Variants in FRMD4A observed in about 807,000 individuals in gnomAD.
The protein encoded by FRMD4A is FERM domain containing 4A, also known as FERM domain-containing protein 4A.
In FRMD4A, 29 loss-of-function variants were observed where a neutral mutation model predicts 129.1. The observed-to-expected ratio is 0.22, with a 90% CI of 0.17 to 0.31. The LOEUF is 0.31. FRMD4A is among the 10% of genes least tolerant of loss of function. FRMD4A has a pLI of 1.00. For missense variants in FRMD4A, 1,272 were observed against 1,375.8 expected (o/e 0.92, Z 1.19); for synonymous variants, 634 against 571.6 (o/e 1.11, Z -1.56).
At chr10:13,982,509 G>A (rs535303149) in intron 2 of FRMD4A, among the ~76,000 whole-genome samples, 1 of 147,662 alleles carries the variant, frequency 6.8e-6, no homozygotes, top group East Asian at 2.1e-4. Flanking sequence ...GGGGGGGAAG[G>A]GATCCTCTGA....
intron 2 of FRMD4A, among the ~76,000 whole-genome samples, chr10:14,325,063 C>A (rs1843216692): frequency 6.6e-6 from 1 of 152,228 alleles, no homozygotes; most frequent in Admixed American, 6.5e-5. Flanking sequence ...TCCTGCCTAA[C>A]CTGCCTGGAG....
Position 14,330,176 on chromosome 10 carries a change from A to G in FRMD4A, c.-74T>C. On this transcript the variant is annotated 5_prime_UTR_variant, in exon 2 of 25. Coordinates refer to ENST00000357447, the MANE Select transcript of FRMD4A (RefSeq NM_018027.5). Reference sequence around the variant, plus strand: ...GGCCCCGGGTGGCTACAGAGCATCCAAAAGCACCTGCAGAAAAAGCAGCCA... The same window carrying G: ...GGCCCCGGGTGGCTACAGAGCATCCGAAAGCACCTGCAGAAAAAGCAGCCA... 1 of 1,464,916 alleles carries G rather than the reference A, an allele frequency of 6.8e-7. No homozygotes were observed. 90.7% of individuals were successfully genotyped at this position (1,464,916 alleles called of 1,614,324 possible). A position where few individuals can be genotyped will look rare whatever the true frequency, so the allele number is the denominator to read the frequency against.
chr10:14,267,763 C>T (rs963758949), intron 2 of FRMD4A, among the ~76,000 whole-genome samples: 1 of 152,182 alleles, frequency 6.6e-6, no homozygotes, highest in African/African-American at 2.4e-5. Context: ...TATTTACTAA[C>T]TAGGTGTCCT....
chr10:13,804,455 A>T (rs1306129911), intron 4 of FRMD4A, among the ~76,000 whole-genome samples: 1 of 152,166 alleles, frequency 6.6e-6, no homozygotes, highest in Admixed American at 6.5e-5. Flanking sequence ...GCACAGACCC[A>T]AGCTCGCTCC....
intron 2 of FRMD4A, among the ~76,000 whole-genome samples, chr10:13,943,646 C>CAAAAAAAAAA (rs55774636): frequency 2.2e-4 from 13 of 58,260 alleles, no homozygotes; most frequent in Admixed American, 2.7e-4. Flanking sequence ...GACTCTGTCT[C>CAAAAAAAAAA]AAAAAAAAAA....
At chr10:13,757,520 A>G (rs868084337) in intron 8 of FRMD4A, among the ~76,000 whole-genome samples, 11 of 152,216 alleles carry the variant, frequency 7.2e-5, no homozygotes, top group Admixed American at 5.9e-4. Context: ...GCTAAACCTG[A>G]CATTTCAGTG....
intron 6 of FRMD4A, 41 bp downstream of exon 6, chr10:13,782,881 T>A: frequency 1.1e-6 from 1 of 883,092 alleles, no homozygotes; most frequent in South Asian, 1.3e-5. Flanking sequence ...AAATGATACT[T>A]TCAGGTTTCA....
chr10:13,844,333 C>T (rs1180674958), intron 3 of FRMD4A, among the ~76,000 whole-genome samples: 4 of 152,152 alleles, frequency 2.6e-5, no homozygotes, highest in Non-Finnish European at 4.4e-5. Context: ...TTCTCTAACT[C>T]TGTTACTCAT....
intron 2 of FRMD4A, among the ~76,000 whole-genome samples, chr10:14,053,694 G>T (rs1341958148): frequency 6.6e-6 from 1 of 152,094 alleles, no homozygotes; most frequent in Non-Finnish European, 1.5e-5. Flanking sequence ...TTGCTTTGTT[G>T]ATTGTTATGG....
chr10:13,915,826 C>T (rs1472196841), intron 2 of FRMD4A, among the ~76,000 whole-genome samples: 1 of 152,144 alleles, frequency 6.6e-6, no homozygotes, highest in Non-Finnish European at 1.5e-5. Context: ...ACCTGTGCTC[C>T]CGCTGCAGAG....
At chr10:14,179,065 C>T (rs770230807) in intron 2 of FRMD4A, among the ~76,000 whole-genome samples, 22 of 152,132 alleles carry the variant, frequency 1.4e-4, no homozygotes, top group African/African-American at 2.4e-4. Context: ...CACTTGTAAA[C>T]GTCACAAAGG....
intron 12 of FRMD4A, among the ~76,000 whole-genome samples, chr10:13,712,404 C>T (rs2088114806): frequency 6.6e-6 from 1 of 152,012 alleles, no homozygotes; most frequent in Non-Finnish European, 1.5e-5. Context: ...ATCCTAACTA[C>T]TCCGGAGGCT....
chr10:13,746,892 CT>C, intron 9 of FRMD4A, among the ~76,000 whole-genome samples: 1 of 152,264 alleles, frequency 6.6e-6, no homozygotes, highest in South Asian at 2.1e-4. Flanking sequence ...TTTCAAATGG[CT>C]TGAATCATTC....
chr10:14,169,287 G>A (rs567881192), intron 2 of FRMD4A, among the ~76,000 whole-genome samples: 6 of 152,100 alleles, frequency 3.9e-5, no homozygotes, highest in East Asian at 3.9e-4. Context: ...CCCCAATTCC[G>A]TGAATGCCTC....
intron 2 of FRMD4A, among the ~76,000 whole-genome samples, chr10:13,913,227 A>C (rs970504578): frequency 4.6e-5 from 7 of 152,206 alleles, no homozygotes; most frequent in Non-Finnish European, 1.0e-4. Flanking sequence ...AATGTGCAGA[A>C]TAGACAAATC....
At chr10:14,327,049 C>A (rs1843306449) in intron 2 of FRMD4A, 2 of 398,250 alleles carry the variant, frequency 5.0e-6, no homozygotes, top group South Asian at 1.3e-4. Flanking sequence ...GGTCCTCCCA[C>A]CTCAAGATGG....
At chr10:13,992,646 AT>A (rs2095607335) in intron 2 of FRMD4A, among the ~76,000 whole-genome samples, 1 of 152,192 alleles carries the variant, frequency 6.6e-6, no homozygotes, top group Non-Finnish European at 1.5e-5. Flanking sequence ...ATATTTGATT[AT>A]TTAATTTAAT....
At chr10:14,127,994 C>CTT (rs1838983527) in intron 2 of FRMD4A, among the ~76,000 whole-genome samples, 2 of 113,036 alleles carry the variant, frequency 1.8e-5, no homozygotes, top group Admixed American at 1.0e-4. Flanking sequence ...CTCTCTCTCT[C>CTT]TCTCTCTTTC....
chr10:14,162,565 C>T (rs1418116033), intron 2 of FRMD4A, among the ~76,000 whole-genome samples: 1 of 150,824 alleles, frequency 6.6e-6, no homozygotes, highest in Non-Finnish European at 1.5e-5. Context: ...TAAATTAACC[C>T]GGTTAACTTG....
Sources: gnomAD v4.1 joint callset for allele counts (sites outside exome capture counted in the v4.1 genomes callset) on GRCh38, gnomAD v4.1.1 for gene constraint, MANE v1.5 for transcripts, NCBI Gene and HGNC (gene_info 2026-07-23, HGNC 2026-07-21) for gene names.